NAB1: variants seen among roughly 807,000 people sequenced by gnomAD.
NAB1 encodes the protein NGFI-A-binding protein 1.
Under a neutral mutation model 49.9 loss-of-function variants are expected in NAB1, and 25 were observed. The observed-to-expected ratio is 0.50, with a 90% CI of 0.37 to 0.70. The LOEUF (loss-of-function observed/expected upper bound fraction) is 0.70, where lower values mean the gene tolerates loss of function less well. NAB1 is among the 30% of genes least tolerant of loss of function. The pLI is 0.00. For synonymous variants in NAB1, 198 were observed against 215.6 expected, an observed-to-expected ratio of 0.92 and a Z score of 0.71; for missense variants, 489 against 575.9, an observed-to-expected ratio of 0.85 and a Z score of 1.54.
rs1695508670 is a variant in NAB1 at position 190,684,480 on chromosome 2, G to T, written c.1095+653G>T. ...GATGAAAAATACATTTTTTACCTCA[G>T]ATATGCTTATTTAAATTTTGTCAAT... On this transcript the variant is annotated intron_variant, in intron 7 of 9. Transcript: ENST00000337386. This position sits in a 1 kb window ranked among gnomAD's most constrained non-coding sequence, Gnocchi z 4.6. Among the ~76,000 whole-genome samples, 1 of 151,892 alleles carries T rather than the reference G, an allele frequency of 6.6e-6. No individual in the cohort carries two copies. The highest frequency in any genetic ancestry group is 2.4e-5 in the African/African-American group (1 of 41,316).
Position 190,683,161 on chromosome 2 carries a change from A to G in NAB1, c.1006-577A>G, listed in dbSNP as rs568287641. Reference sequence around the variant, plus strand: ...TATCACCCTTTGTCACCCAGGCTGGAGTGCAGTGGTGCAGTCTCGGCTCAC... The same window carrying G: ...TATCACCCTTTGTCACCCAGGCTGGGGTGCAGTGGTGCAGTCTCGGCTCAC... On this transcript the variant is annotated intron_variant, in intron 6 of 9. Transcript: ENST00000337386. 3.2e-3 allele frequency among the ~76,000 whole-genome samples: 484 copies of G among 152,146 alleles called. 4 individuals are homozygous for G. Among genetic ancestry groups the G allele is most frequent in the Non-Finnish European group, 6.0e-3 (407 of 67,998 alleles).
intron 4 of NAB1, among the ~76,000 whole-genome samples, chr2:190,662,501 A>C (rs1195754971): frequency 1.3e-5 from 2 of 152,048 alleles, no homozygotes; most frequent in Non-Finnish European, 2.9e-5. Context: ...TTAGAACCAC[A>C]CACCTTGCTG....
rs1312212370 is a variant in NAB1, at chr2:190,666,924, G to A, written c.820-3402G>A. On this transcript the variant is annotated intron_variant, in intron 4 of 9. Coordinates refer to ENST00000337386, the MANE Select transcript of NAB1 (RefSeq NM_005966.4). This position sits in a 1 kb window ranked among gnomAD's most constrained non-coding sequence, Gnocchi z 5.6. ...TTTTCATATTTTCCCAACTGCTTGG[G>A]AATATTTTCATTTTTCTTTTGTAAT... Among the ~76,000 whole-genome samples, 1 of 152,128 alleles carries A rather than the reference G, an allele frequency of 6.6e-6. No homozygotes were observed. The highest frequency in any genetic ancestry group is 1.5e-5 in the Non-Finnish European group (1 of 68,028).
In NAB1 at chr2:190,679,231, A is replaced by T. The variant is rs1574468397; in HGVS notation, c.1006-4507A>T. 6.6e-6 allele frequency among the ~76,000 whole-genome samples: 1 copy of T among 152,172 alleles called. No individual in the cohort carries two copies. The highest frequency in any genetic ancestry group is 2.4e-5 in the African/African-American group (1 of 41,436). ...AGACCAGTTTCTTGGGAATGTTCTT[A>T]CTTTTATTTCTAAGTCATATATTTT... On this transcript the variant is annotated intron_variant, in intron 6 of 9. Transcript: ENST00000337386. This position sits in a 1 kb window ranked among gnomAD's most constrained non-coding sequence, Gnocchi z 5.3.
At position 190,663,792 on chromosome 2, in the gene NAB1, G is replaced by A. The variant is rs1694348398; in HGVS notation, c.819+3797G>A. 6.6e-6 allele frequency among the ~76,000 whole-genome samples: 1 copy of A among 152,042 alleles called. No individual in the cohort carries two copies. The highest frequency in any genetic ancestry group is 1.5e-5 in the Non-Finnish European group (1 of 67,992). ...AATTTTCACTATGTATTGATTCAGT[G>A]TTATTCCCAAAGTTTTGTTATGAGG... On this transcript the variant is annotated intron_variant, in intron 4 of 9. Transcript: ENST00000337386. The surrounding 1 kb of genome is among the most constrained non-coding windows in gnomAD (Gnocchi z 4.2).
At position 190,666,924 on chromosome 2, in the gene NAB1, G is replaced by T. The variant is rs1312212370; in HGVS notation, c.820-3402G>T. 6.6e-6 allele frequency among the ~76,000 whole-genome samples: 1 copy of T among 152,128 alleles called. No individual in the cohort carries two copies. The highest frequency in any genetic ancestry group is 2.4e-5 in the African/African-American group (1 of 41,406). Reference sequence around the variant, plus strand: ...TTTTCATATTTTCCCAACTGCTTGGGAATATTTTCATTTTTCTTTTGTAAT... The same window carrying T: ...TTTTCATATTTTCCCAACTGCTTGGTAATATTTTCATTTTTCTTTTGTAAT... On this transcript the variant is annotated intron_variant, in intron 4 of 9. Coordinates refer to ENST00000337386, the MANE Select transcript of NAB1 (RefSeq NM_005966.4). The surrounding 1 kb of genome is among the most constrained non-coding windows in gnomAD (Gnocchi z 5.6).
At position 190,682,006 on chromosome 2, in the gene NAB1, C is replaced by T. The variant is rs909064099; in HGVS notation, c.1006-1732C>T. On this transcript the variant is annotated intron_variant, in intron 6 of 9. Coordinates refer to ENST00000337386, the MANE Select transcript of NAB1 (RefSeq NM_005966.4). The surrounding 1 kb of genome is among the most constrained non-coding windows in gnomAD (Gnocchi z 4.1). ...GTAAATGCTAATTTCTGTGAGGAGT[C>T]CTTTAGGAGGTTTCACTAAAGTTAC... 6.6e-6 allele frequency among the ~76,000 whole-genome samples: 1 copy of T among 151,964 alleles called. No homozygotes were observed. Among genetic ancestry groups the T allele is most frequent in the Non-Finnish European group, 1.5e-5 (1 of 67,986 alleles).
rs1251804832 is a variant in NAB1 at position 190,685,314 on chromosome 2, T to C, written c.1096-162T>C. On this transcript the variant is annotated intron_variant, in intron 7 of 9. Coordinates refer to ENST00000337386, the MANE Select transcript of NAB1 (RefSeq NM_005966.4). This position sits in a 1 kb window ranked among gnomAD's most constrained non-coding sequence, Gnocchi z 4.5. ...CCTTTTATGTTTTAACATGATGATA[T>C]AGACATCTATGCATATTTATGGAAT... 3.3e-5 allele frequency among the ~76,000 whole-genome samples: 5 copies of C among 152,266 alleles called. No individual in the cohort carries two copies. In the South Asian group the frequency reaches 6.2e-4, roughly 19 times the overall value.
At chr2:190,688,682 A>G (rs1235707589) in intron 9 of NAB1, among the ~76,000 whole-genome samples, 3 of 152,348 alleles carry the variant, frequency 2.0e-5, no homozygotes, top group Non-Finnish European at 4.4e-5. Context: ...ATGGAGATAT[A>G]TTACATAGAG....
chr2:190,661,100 T>A (rs928920859), intron 4 of NAB1, among the ~76,000 whole-genome samples: 5 of 152,152 alleles, frequency 3.3e-5, no homozygotes, highest in Non-Finnish European at 7.3e-5. Flanking sequence ...GTTAATTTTT[T>A]AAGTTTTTCA....
In NAB1 at chr2:190,680,910, T is replaced by A. The variant is rs974041965; in HGVS notation, c.1006-2828T>A. ...ACTGTGTTAAGTATTTTTCATGAAT[T>A]TTCTGCTTCCTTAAAATGATTCTGC... On this transcript the variant is annotated intron_variant, in intron 6 of 9. Coordinates refer to ENST00000337386, the MANE Select transcript of NAB1 (RefSeq NM_005966.4). The surrounding 1 kb of genome is among the most constrained non-coding windows in gnomAD (Gnocchi z 5.2). 6.6e-6 allele frequency among the ~76,000 whole-genome samples: 1 copy of A among 152,208 alleles called. No homozygotes were observed. The highest frequency in any genetic ancestry group is 1.5e-5 in the Non-Finnish European group (1 of 68,042).
chr2:190,689,991 C>G lies in NAB1; in HGVS notation c.1376-254C>G, dbSNP rs1393701602. Among the ~76,000 whole-genome samples the G allele has an allele frequency of 2.1e-4, 1 of 4,818 alleles. No individual in the cohort carries two copies. The highest frequency in any genetic ancestry group is 2.6e-3 in the East Asian group (1 of 392). 3.2% of individuals were successfully genotyped at this position (4,818 alleles called of 152,430 possible). A position where few individuals can be genotyped will look rare whatever the true frequency, so the allele number is the denominator to read the frequency against. On this transcript the variant is annotated intron_variant, in intron 9 of 9. Coordinates refer to ENST00000337386, the MANE Select transcript of NAB1 (RefSeq NM_005966.4). This position sits in a 1 kb window ranked among gnomAD's most constrained non-coding sequence, Gnocchi z 4.3. ...CATTAAGGCTTAGAGAGGTGTATAACTTGCCCAGAGATGTATACATCTATA... is the reference window on the plus strand; with the variant it reads ...CATTAAGGCTTAGAGAGGTGTATAAGTTGCCCAGAGATGTATACATCTATA...
In NAB1 at chr2:190,677,570, T is replaced by G. The variant is rs1351416656; in HGVS notation, c.1005+4418T>G. On this transcript the variant is annotated intron_variant, in intron 6 of 9. Transcript: ENST00000337386. This position sits in a 1 kb window ranked among gnomAD's most constrained non-coding sequence, Gnocchi z 5.6. ...TCTTACTTATCTTTTGAATTAGATCTAATTAAATCTTCTCATTCTGGGGCA... is the reference window on the plus strand; with the variant it reads ...TCTTACTTATCTTTTGAATTAGATCGAATTAAATCTTCTCATTCTGGGGCA... 1 of 152,262 alleles carries G rather than the reference T, an allele frequency of 6.6e-6. No individual in the cohort carries two copies. The highest frequency in any genetic ancestry group is 1.9e-4 in the East Asian group (1 of 5,208). 9.4% of individuals were successfully genotyped at this position (152,262 alleles called of 1,614,324 possible). A position where few individuals can be genotyped will look rare whatever the true frequency, so the allele number is the denominator to read the frequency against.
rs1301631161 is a variant in NAB1, at chr2:190,670,294, C to T, written c.820-32C>T. ...TGCATTTTGATGAAATTAAAATGTT[C>T]TTAATTTTGAAACTCTGTTTTGGAT... On this transcript the variant is annotated intron_variant, in intron 4 of 9. Transcript: ENST00000337386. This position sits in a 1 kb window ranked among gnomAD's most constrained non-coding sequence, Gnocchi z 5.3. 2.5e-6 allele frequency: 4 copies of T among 1,569,756 alleles called. No homozygotes were observed. The highest frequency in any genetic ancestry group is 3.4e-6 in the Non-Finnish European group (4 of 1,160,094).
intron 7 of NAB1, 31 bp downstream of exon 7, chr2:190,683,858 A>G: frequency 6.6e-7 from 1 of 1,519,114 alleles, no homozygotes. Flanking sequence ...TTACTCCATG[A>G]TAGTATCTGA....
In NAB1 at chr2:190,685,768, A is replaced by AT; in HGVS notation, c.1258+136dup. Reference sequence around the variant, plus strand: ...TTTTACAGGTTCTCTTATCAAAATTATTTTTTGAATTCTTCATTTTTCTAA... The same window carrying AT: ...TTTTACAGGTTCTCTTATCAAAATTATTTTTTTGAATTCTTCATTTTTCTAA... On this transcript the variant is annotated intron_variant, in intron 8 of 9. Coordinates refer to ENST00000337386, the MANE Select transcript of NAB1 (RefSeq NM_005966.4). This position sits in a 1 kb window ranked among gnomAD's most constrained non-coding sequence, Gnocchi z 4.5. 1.3e-6 allele frequency: 1 copy of AT among 756,264 alleles called. No homozygotes were observed. Among genetic ancestry groups the AT allele is most frequent in the South Asian group, 4.9e-5 (1 of 20,518 alleles). The allele number at this position is 756,264 out of a possible 1,614,324, so 46.8% of individuals were successfully genotyped here. A position where few individuals can be genotyped will look rare whatever the true frequency, so the allele number is the denominator to read the frequency against.
rs187897117 is a variant in NAB1 at position 190,676,843 on chromosome 2, A to G, written c.1005+3691A>G. 1 of 152,322 alleles carries G rather than the reference A, an allele frequency of 6.6e-6. No individual in the cohort carries two copies. Among genetic ancestry groups the G allele is most frequent in the African/African-American group, 2.4e-5 (1 of 41,576 alleles). The allele number at this position is 152,322 out of a possible 1,614,324, so 9.4% of individuals were successfully genotyped here. On this transcript the variant is annotated intron_variant, in intron 6 of 9. Coordinates refer to ENST00000337386, the MANE Select transcript of NAB1 (RefSeq NM_005966.4). The surrounding 1 kb of genome is among the most constrained non-coding windows in gnomAD (Gnocchi z 4.6). ...TCTAAAATCCTTTATAACAATAAGC[A>G]TATGTGCCACATTGCTGGCTTTTTC...
rs1444829108 is a variant in NAB1 at position 190,676,315 on chromosome 2, C to T, written c.1005+3163C>T. Among the ~76,000 whole-genome samples, 2 of 152,192 alleles carry T rather than the reference C, an allele frequency of 1.3e-5. No homozygotes were observed. The highest frequency in any genetic ancestry group is 2.9e-5 in the Non-Finnish European group (2 of 68,032). ...AAGTTTGTCTAGGGAATGTGATTGA[C>T]ACAAAGGACCTCATAAATAAAACTA... On this transcript the variant is annotated intron_variant, in intron 6 of 9. Transcript: ENST00000337386. This position sits in a 1 kb window ranked among gnomAD's most constrained non-coding sequence, Gnocchi z 4.6.
In NAB1 at chr2:190,657,362, C is replaced by T. The variant is rs1319886729; in HGVS notation, c.-20+1209C>T. ...TGTGAAGGTTGACCTAAAGAATTAC[C>T]TGGGTCATCACAGTACCTGTAGGAG... is the stretch of plus-strand genomic sequence containing the variant. On this transcript the variant is annotated intron_variant, in intron 3 of 9. Coordinates refer to ENST00000337386, the MANE Select transcript of NAB1 (RefSeq NM_005966.4). This position sits in a 1 kb window ranked among gnomAD's most constrained non-coding sequence, Gnocchi z 4.4. Among the ~76,000 whole-genome samples, 2 of 152,284 alleles carry T rather than the reference C, an allele frequency of 1.3e-5. No individual in the cohort carries two copies. Among genetic ancestry groups the T allele is most frequent in the Non-Finnish European group, 2.9e-5 (2 of 68,012 alleles).
Sources: allele counts gnomAD v4.1 joint callset (sites outside exome capture counted in the v4.1 genomes callset), GRCh38; gene constraint gnomAD v4.1.1; non-coding constraint Gnocchi (gnomAD v3.1); transcripts MANE v1.5; gene names NCBI Gene and HGNC (gene_info 2026-07-23, HGNC 2026-07-21).